The following MST1R variants were observed in gnomAD, a reference collection of about 807,000 sequenced individuals.
MST1R encodes macrophage stimulating 1 receptor.
In MST1R, 99 loss-of-function variants were observed where a neutral mutation model predicts 117.8. The observed-to-expected ratio is 0.84, with a 90% CI of 0.71 to 0.99. The LOEUF (loss-of-function observed/expected upper bound fraction) is 0.99. Among genes scored for constraint, MST1R ranks in the 50% least tolerant of loss-of-function variants. The pLI is 0.00. For missense variants in MST1R, 1,683 were observed against 1,840.2 expected, an observed-to-expected ratio of 0.91 and a Z score of 1.56; for synonymous variants, 734 against 765.3, an observed-to-expected ratio of 0.96 and a Z score of 0.68.
chr3:49,888,650 G>A (rs1347917256), intron 19 of MST1R, among the ~76,000 whole-genome samples: 2 of 151,952 alleles, frequency 1.3e-5, no homozygotes, highest in African/African-American at 4.8e-5. Flanking sequence ...GGCAGCACCA[G>A]TGGCACCCTG....
chr3:49,893,637 C>G (rs1181415249), intron 14 of MST1R, among the ~76,000 whole-genome samples: 1 of 150,914 alleles, frequency 6.6e-6, no homozygotes, highest in Non-Finnish European at 1.5e-5. Context: ...CGGTGGCTCA[C>G]ACCTGTAATC....
intron 3 of MST1R, 67 bp from the exon 4 acceptor site, chr3:49,898,755 GGTACACA>G: frequency 6.2e-7 from 1 of 1,605,328 alleles, no homozygotes; most frequent in Non-Finnish European, 8.5e-7. Flanking sequence ...AGACCCTCCC[GGTACACA>G]GTAGGCTAGG....
intron 19 of MST1R, among the ~76,000 whole-genome samples, chr3:49,889,580 G>C (rs980212618): frequency 6.6e-6 from 1 of 152,150 alleles, no homozygotes; most frequent in African/African-American, 2.4e-5. Context: ...GGTTGCTGTG[G>C]GGGTTATGGA....
Position 49,902,875 on chromosome 3 carries a change from G to C in MST1R, c.735C>G (p.Tyr245Ter), listed in dbSNP as rs1453953464. 6.2e-7 allele frequency: 1 copy of C among 1,613,608 alleles called. No individual in the cohort carries two copies. Among genetic ancestry groups the C allele is most frequent in the Admixed American group, 1.7e-5 (1 of 60,038 alleles). The change falls in exon 1 of 20, where the codon TAC becomes TAG. Residue 245 changes from tyrosine to a stop codon, truncating the protein, a stop_gained. Coordinates refer to ENST00000296474, the MANE Select transcript of MST1R (RefSeq NM_002447.4). LOFTEE classifies it high-confidence loss of function. ...LSVLPKHLVS[Y>*]SIEYVHSFHT... ...GGAAGCTGTGCACGTATTCAATACT[G>C]TAGGAGACAAGATGCTTGGGCAGCA... is the stretch of plus-strand genomic sequence containing the variant.
At position 49,889,864 on chromosome 3, in the gene MST1R, C is replaced by T. The variant is rs1307627793; in HGVS notation, c.3947+60G>A. ...GGAAGCCAGGCAGGAGCTCTGTCTC[C>T]TGTCTCTTCCATGTCTCTGGGGCCC... On this transcript the variant is annotated intron_variant, in intron 19 of 19. Transcript: ENST00000296474. 1.9e-6 allele frequency: 3 copies of T among 1,602,390 alleles called. No homozygotes were observed. In the African/African-American group the frequency reaches 4.0e-5, roughly 21 times the overall value.
chr3:49,902,756 G>A lies in MST1R; in HGVS notation c.854C>T (p.Ala285Val). Residue 285 changes from alanine (A) to valine (V), a missense_variant, in exon 1 of 20, where the codon GCC becomes GTC. Transcript: ENST00000296474. The part of the protein sequence containing the change: ...ALHTRLARLS[A>V]TEPELGDYRE... ...ATAGTCACCCAACTCTGGCTCAGTG[G>A]CGCTAAGCCGTGCCAGGCGTGTGTG... The A allele has an allele frequency of 3.7e-6, 6 of 1,613,932 alleles. No individual in the cohort carries two copies. The highest frequency in any genetic ancestry group is 5.1e-6 in the Non-Finnish European group (6 of 1,180,046).
chr3:49,890,727 G>T, intron 17 of MST1R, 77 bp from the exon 18 acceptor site: 2 of 1,412,546 alleles, frequency 1.4e-6, no homozygotes, highest in South Asian at 1.5e-5. Context: ...GGCCCTTACA[G>T]AATTTTTTTT....
chr3:49,888,375 G>A (rs1394240686), intron 19 of MST1R, among the ~76,000 whole-genome samples: 4 of 150,296 alleles, frequency 2.7e-5, no homozygotes, highest in African/African-American at 9.8e-5. Flanking sequence ...GGCGGAGCTT[G>A]CAGTGAGCCG....
chr3:49,887,753 C>T (rs919245856), intron 19 of MST1R, among the ~76,000 whole-genome samples, 191 bp from the exon 20 acceptor site: 8 of 152,250 alleles, frequency 5.3e-5, no homozygotes, highest in African/African-American at 1.9e-4. Context: ...CCTTCCCACC[C>T]TGGCAGAGGT....
At chr3:49,893,476 C>T (rs1284365265) in intron 14 of MST1R, among the ~76,000 whole-genome samples, 40 of 150,816 alleles carry the variant, frequency 2.7e-4, no homozygotes, top group African/African-American at 8.0e-4. Flanking sequence ...TGGTGGCGGG[C>T]GCCTGTAATC....
chr3:49,902,926 G>A lies in MST1R; in HGVS notation c.684C>T (p.Phe228=), dbSNP rs768894931. The A allele has an allele frequency of 1.2e-5, 20 of 1,613,344 alleles. No homozygotes were observed. The highest frequency in any genetic ancestry group is 2.7e-5 in the African/African-American group (2 of 74,966). The change falls in exon 1 of 20, where the codon TTC becomes TTT. Residue 228 remains phenylalanine (F), a synonymous_variant. Transcript: ENST00000296474. ...IRRLKADASG[F]APGFVALSVL... The stretch of plus-strand genomic sequence containing the variant: ...CTGACAACGCCACAAAGCCCGGTGC[G>A]AATCCCGAGGCGTCAGCCTTGAGAC...
At chr3:49,897,029 G>A (rs2082500304) in intron 7 of MST1R, 139 bp from the exon 8 acceptor site, 1 of 1,224,774 alleles carries the variant, frequency 8.2e-7, no homozygotes, top group East Asian at 2.6e-5. Context: ...CTGAAAATAA[G>A]GTGGTCCCAG....
chr3:49,894,565 CACAAAA>C (rs1398516496), intron 14 of MST1R, among the ~76,000 whole-genome samples: 1 of 152,102 alleles, frequency 6.6e-6, no homozygotes, highest in Non-Finnish European at 1.5e-5. Context: ...GAGACCCTGT[CACAAAA>C]ACAAAAACAA....
At chr3:49,887,636 C>T in intron 19 of MST1R, 74 bp from the exon 20 acceptor site, 2 of 1,546,190 alleles carry the variant, frequency 1.3e-6, no homozygotes, top group African/African-American at 1.3e-5. Context: ...TGCTGTTAAA[C>T]CTCTGGCAGG....
chr3:49,892,430 G>GGCA (rs1449183208), intron 14 of MST1R, among the ~76,000 whole-genome samples: 1 of 151,890 alleles, frequency 6.6e-6, no homozygotes, highest in Non-Finnish European at 1.5e-5. Context: ...GGGAGCCTGA[G>GGCA]GCAGGAGGAT....
chr3:49,895,419 T>G (rs757925577), intron 13 of MST1R, 28 bp downstream of exon 13: 11 of 1,613,986 alleles, frequency 6.8e-6, no homozygotes, highest in Non-Finnish European at 9.3e-6. Flanking sequence ...GGGGGTGGCT[T>G]TAGCTTCTCA....
chr3:49,903,160 G>C lies in MST1R; in HGVS notation c.450C>G (p.Pro150=), dbSNP rs769651647. 1.2e-6 allele frequency: 2 copies of C among 1,604,730 alleles called. No individual in the cohort carries two copies. The highest frequency in any genetic ancestry group is 2.7e-5 in the African/African-American group (2 of 75,082). ...QGRCFLHDLE[P]QGTAVHLAAP... ...CTGCCAGATGCACGGCTGTCCCTTG[G>C]GGCTCTAGGTCATGCAGGAAGCAGC... Residue 150 remains proline, a synonymous_variant, in exon 1 of 20, where the codon CCC becomes CCG. Coordinates refer to ENST00000296474, the MANE Select transcript of MST1R (RefSeq NM_002447.4).
At chr3:49,893,611 T>A (rs1479497597) in intron 14 of MST1R, among the ~76,000 whole-genome samples, 3 of 114,192 alleles carry the variant, frequency 2.6e-5, no homozygotes, top group South Asian at 2.6e-4. Context: ...CTTGAAAAAA[T>A]AAAATAGGCC....
chr3:49,893,149 C>T (rs949429246), intron 14 of MST1R, among the ~76,000 whole-genome samples: 2 of 144,000 alleles, frequency 1.4e-5, no homozygotes, highest in Non-Finnish European at 3.0e-5. Flanking sequence ...CTTGGTGGTG[C>T]ACGTCTGTAA....
Sources: gnomAD v4.1 joint callset for allele counts (sites outside exome capture counted in the v4.1 genomes callset) on GRCh38, gnomAD v4.1.1 for gene constraint, MANE v1.5 for transcripts, NCBI Gene and HGNC (gene_info 2026-07-23, HGNC 2026-07-21) for gene names.